Variants in ESRRG observed in about 807,000 individuals in gnomAD.
ESRRG encodes the protein estrogen related receptor gamma.
Under a neutral mutation model 44.0 loss-of-function variants are expected in ESRRG, and 13 were observed. The ratio of observed to expected loss-of-function variants is 0.30; its 90% CI spans 0.19 to 0.47. The LOEUF (loss-of-function observed/expected upper bound fraction) is 0.47. Among genes scored for constraint, ESRRG ranks in the 20% least tolerant of loss-of-function variants. The pLI is 1.00. For missense variants in ESRRG, 395 were observed against 580.6 expected (o/e 0.68, Z 3.29); for synonymous variants, 215 against 214.6 (o/e 1.00, Z -0.02).
intron 1 of ESRRG, among the ~76,000 whole-genome samples, chr1:216,719,976 T>C (rs1327882435): frequency 6.6e-6 from 1 of 152,076 alleles, no homozygotes; most frequent in Non-Finnish European, 1.5e-5. Flanking sequence ...CAAATGTGTA[T>C]AGGGTAATAC....
intron 5 of ESRRG, among the ~76,000 whole-genome samples, chr1:216,529,582 C>T (rs2048688602): frequency 6.8e-6 from 1 of 146,544 alleles, no homozygotes; most frequent in African/African-American, 2.5e-5. Context: ...GAGGCAATCC[C>T]AGCTGTAATT....
At position 216,713,822 on chromosome 1, in the gene ESRRG, C is replaced by T. The variant is rs189484500; in HGVS notation, c.56+9422G>A. Among the ~76,000 whole-genome samples, 6 of 152,276 alleles carry T rather than the reference C, an allele frequency of 3.9e-5. No homozygotes were observed. The South Asian group carries it at 1.2e-3, about 32-fold the overall frequency. On this transcript the variant is annotated intron_variant, in intron 1 of 6. Transcript: ENST00000408911. ...ACTTTTGCTAATGTAACAGTGTTGG[C>T]ATTTTACTTCATTCCTGATAAGCTG... is the stretch of plus-strand genomic sequence containing the variant.
intron 1 of ESRRG, among the ~76,000 whole-genome samples, chr1:216,704,767 AT>A (rs565704335): frequency 1.1e-4 from 17 of 151,312 alleles, no homozygotes; most frequent in East Asian, 1.9e-4. Flanking sequence ...GGAGGAGTAG[AT>A]TTTTTTTAAA....
intron 1 of ESRRG, among the ~76,000 whole-genome samples, chr1:216,701,961 C>G (rs1437376378): frequency 1.3e-5 from 2 of 152,134 alleles, no homozygotes; most frequent in African/African-American, 4.8e-5. Flanking sequence ...AGGAGATTTA[C>G]TTTTGAAATA....
At chr1:216,569,117 A>AAGGAAGGAAGAAGGAAGG (rs2060247192) in intron 3 of ESRRG, among the ~76,000 whole-genome samples, 1 of 139,446 alleles carries the variant, frequency 7.2e-6, no homozygotes, top group African/African-American at 2.6e-5. Flanking sequence ...AGGAAGAAGG[A>AAGGAAGGAAGAAGGAAGG]AGGAAGGAAG....
At position 217,048,240 on chromosome 1, in the gene ESRRG, G is replaced by A. The variant is rs35949516; in HGVS notation, c.-106+41267C>T. On this transcript the variant is annotated intron_variant, in intron 1 of 7. Coordinates refer to the ESRRG transcript ENST00000359162. ...TGGAGGGACAAGGGCAGTCGCTGAC[G>A]GTACTGGTTAGAGAGGCCACAGAGG... Among the ~76,000 whole-genome samples the A allele has an allele frequency of 9.9e-3, 1,500 of 152,218 alleles. 13 individuals carry two copies. Among genetic ancestry groups the A allele is most frequent in the Admixed American group, 0.016 (243 of 15,296 alleles).
In ESRRG at chr1:217,064,109, T is replaced by C. The variant is rs1391825679; in HGVS notation, c.-106+25398A>G. ...ACAAAGCACAAGGGTTTAGTATATG[T>C]GTGTGTTTTTCATTAATCTTCACAA... On this transcript the variant is annotated intron_variant, in intron 1 of 7. Coordinates refer to the ESRRG transcript ENST00000359162. 2.6e-5 allele frequency among the ~76,000 whole-genome samples: 4 copies of C among 152,100 alleles called. No individual in the cohort carries two copies. The South Asian group carries it at 6.2e-4, about 24-fold the overall frequency.
intron 1 of ESRRG, among the ~76,000 whole-genome samples, chr1:217,036,817 T>C (rs1302299100): frequency 8.1e-6 from 1 of 123,920 alleles, no homozygotes; most frequent in African/African-American, 2.9e-5. Flanking sequence ...AACTTAAAAG[T>C]AAAAAAAAAG....
At chr1:216,783,831 A>G (rs1231992088) in intron 2 of ESRRG, among the ~76,000 whole-genome samples, 1 of 152,024 alleles carries the variant, frequency 6.6e-6, no homozygotes, top group African/African-American at 2.4e-5. Flanking sequence ...TCAAGGCTGG[A>G]TTCAGTCTGA....
rs530172433 is a variant in ESRRG, at chr1:217,115,497, G to T, written c.-230+22170C>A. Among the ~76,000 whole-genome samples the T allele has an allele frequency of 1.2e-4, 19 of 152,140 alleles. No individual in the cohort carries two copies. The South Asian group carries it at 3.7e-3, about 30-fold the overall frequency. Reference sequence around the variant, plus strand: ...ACAACCTCTCTACTGCATATCCTATGCTCATCCCCTTATTCACACTTCTCC... The same window carrying T: ...ACAACCTCTCTACTGCATATCCTATTCTCATCCCCTTATTCACACTTCTCC... On this transcript the variant is annotated intron_variant, in intron 1 of 8. Coordinates refer to the ESRRG transcript ENST00000366940.
rs750372700 is a variant in ESRRG, at chr1:216,933,227, T to C, written c.-14+6355A>G. Among the ~76,000 whole-genome samples the C allele has an allele frequency of 3.3e-5, 5 of 152,152 alleles. 1 individual carries two copies. The highest frequency in any genetic ancestry group is 2.0e-4 in the Admixed American group (3 of 15,262). On this transcript the variant is annotated intron_variant, in intron 2 of 7. Coordinates refer to the ESRRG transcript ENST00000359162. ...CTATATTGACAATATATGCTAATTA[T>C]AATAAAAAAGTATTTAAAGGAAGAC...
chr1:216,681,481 C>G (rs542923380), intron 1 of ESRRG, among the ~76,000 whole-genome samples: 1 of 152,092 alleles, frequency 6.6e-6, no homozygotes, highest in Non-Finnish European at 1.5e-5. Context: ...GTGTGATGTT[C>G]CCCTTCCTGC....
rs942444548 is a variant in ESRRG, at chr1:216,821,979, C to T, written c.-14+117603G>A. Among the ~76,000 whole-genome samples the T allele has an allele frequency of 1.6e-4, 25 of 151,832 alleles. 1 individual carries two copies. Among genetic ancestry groups the T allele is most frequent in the African/African-American group, 6.0e-4 (25 of 41,336 alleles). On this transcript the variant is annotated intron_variant, in intron 2 of 7. Transcript: ENST00000359162. ...TATTCTGATGTCCCTAGGTAACTCT[C>T]CATTGCCTGGCCAAGCAGAAGGGGG...
intron 2 of ESRRG, among the ~76,000 whole-genome samples, chr1:216,843,337 C>G (rs575119562): frequency 1.3e-5 from 2 of 151,812 alleles, no homozygotes; most frequent in South Asian, 2.1e-4. Context: ...CCACAGGGCT[C>G]TACAAAATAT....
At chr1:216,788,142 G>A (rs1335062680) in intron 2 of ESRRG, among the ~76,000 whole-genome samples, 1 of 152,194 alleles carries the variant, frequency 6.6e-6, no homozygotes, top group African/African-American at 2.4e-5. Flanking sequence ...ATCTAGCTAA[G>A]ATAATTTATG....
chr1:217,122,178 TC>T (rs2092828518), intron 1 of ESRRG, among the ~76,000 whole-genome samples: 1 of 152,218 alleles, frequency 6.6e-6, no homozygotes, highest in South Asian at 2.1e-4. Context: ...TAAGGGATCT[TC>T]TTTTATATGC....
At position 216,506,331 on chromosome 1, in the gene ESRRG, C is replaced by T; in HGVS notation, c.*608G>A. The T allele has an allele frequency of 7.4e-6, 2 of 269,610 alleles. No homozygotes were observed. The highest frequency in any genetic ancestry group is 7.3e-6 in the Non-Finnish European group (1 of 136,762). 16.7% of individuals were successfully genotyped at this position (269,610 alleles called of 1,614,324 possible). A position where few individuals can be genotyped will look rare whatever the true frequency, so the allele number is the denominator to read the frequency against. On this transcript the variant is annotated 3_prime_UTR_variant, in exon 7 of 7. Transcript: ENST00000408911. ...GGTTCACAATAAGTTCACTGGCATC[C>T]ATATTATGGATCTCCATCCTTTGGC...
At chr1:217,017,196 G>C (rs1186462013) in intron 1 of ESRRG, among the ~76,000 whole-genome samples, 1 of 152,124 alleles carries the variant, frequency 6.6e-6, no homozygotes, top group Admixed American at 6.6e-5. Context: ...TTGTGGAGTA[G>C]AGTGTAATCT....
intron 1 of ESRRG, among the ~76,000 whole-genome samples, chr1:217,034,053 C>G (rs886733573): frequency 6.6e-6 from 1 of 152,138 alleles, no homozygotes; most frequent in African/African-American, 2.4e-5. Context: ...CAACAATCAT[C>G]CTGAATGTTA....
Sources: allele counts gnomAD v4.1 joint callset (sites outside exome capture counted in the v4.1 genomes callset), GRCh38; gene constraint gnomAD v4.1.1; transcripts MANE v1.5; gene names NCBI Gene and HGNC (gene_info 2026-07-23, HGNC 2026-07-21).